MYPN: variants seen among roughly 807,000 people sequenced by gnomAD.
MYPN encodes the protein sarcomeric protein myopalladin, 145 kDa (MYOP).
In MYPN, 63 loss-of-function variants were observed where a neutral mutation model predicts 129.4. That is an observed-to-expected ratio of 0.49 (90% CI 0.40 to 0.60). MYPN has a LOEUF of 0.60. Among genes scored for constraint, MYPN ranks in the 20% least tolerant of loss-of-function variants. MYPN has a pLI of 0.00. For synonymous variants in MYPN, 629 were observed against 600.9 expected, an observed-to-expected ratio of 1.05 and a Z score of -0.68; for missense variants, 1,596 against 1,635.4, an observed-to-expected ratio of 0.98 and a Z score of 0.42.
rs1466000539 is a variant in MYPN at position 68,160,370 on chromosome 10, C to T, written c.1460-1359C>T. ...CACTTGAACCCAGGAGGCTGAGTTG[C>T]AGTGAGCTGAGATCACGCCACTGCA... On this transcript the variant is annotated intron_variant, in intron 7 of 19. Transcript: ENST00000358913. 2.9e-5 allele frequency among the ~76,000 whole-genome samples: 4 copies of T among 135,612 alleles called. No individual in the cohort carries two copies. In the East Asian group the frequency reaches 8.8e-4, roughly 30 times the overall value. The allele number at this position is 135,612 out of a possible 152,430, so 89.0% of individuals were successfully genotyped here. A position where few individuals can be genotyped will look rare whatever the true frequency, so the allele number is the denominator to read the frequency against.
At chr10:68,158,720 A>T (rs1564669810) in intron 7 of MYPN, 93 bp downstream of exon 7, 3 of 926,088 alleles carry the variant, frequency 3.2e-6, no homozygotes. Flanking sequence ...ACTAATTAAA[A>T]ATATAGTCAA....
At chr10:68,105,038 C>G (rs555136935), upstream of MYPN, among the ~76,000 whole-genome samples, 1 of 152,296 alleles carries the variant, frequency 6.6e-6, no homozygotes, top group Non-Finnish European at 1.5e-5. Flanking sequence ...CCCGCCTCAG[C>G]CTGCAAAGTG....
intron 6 of MYPN, among the ~76,000 whole-genome samples, chr10:68,152,521 G>C (rs10997950): frequency 6.6e-6 from 1 of 151,822 alleles, no homozygotes; most frequent in South Asian, 2.1e-4. Flanking sequence ...AATCTCTCCC[G>C]TTCACCTTGA....
At chr10:68,207,151 G>A (rs547649420) in intron 19 of MYPN, among the ~76,000 whole-genome samples, 11 of 152,058 alleles carry the variant, frequency 7.2e-5, no homozygotes, top group Admixed American at 3.9e-4. Flanking sequence ...CCAGCTACTC[G>A]GGCAGCTGAG....
intron 10 of MYPN, among the ~76,000 whole-genome samples, chr10:68,169,955 G>C (rs1051701864): frequency 1.1e-4 from 17 of 152,100 alleles, no homozygotes; most frequent in Non-Finnish European, 4.4e-5. Context: ...GGCAAGGCTG[G>C]TCTCAAATGC....
intron 18 of MYPN, among the ~76,000 whole-genome samples, chr10:68,204,674 C>A (rs986886383): frequency 1.4e-5 from 2 of 145,230 alleles, no homozygotes; most frequent in African/African-American, 5.1e-5. Context: ...GCTGAGATCA[C>A]ACCACTGCAC....
Position 68,174,476 on chromosome 10 carries a change from C to A in MYPN, c.2384C>A (p.Pro795Gln), listed in dbSNP as rs747076390. The change falls in exon 11 of 20, where the codon CCA (proline) becomes CAA (glutamine). Residue 795 changes from proline to glutamine, a missense_variant. Physicochemically the swap from Pro to Gln is moderately conservative, Grantham distance 76. Coordinates refer to ENST00000358913, the MANE Select transcript of MYPN (RefSeq NM_032578.4). The part of the protein sequence containing the change: ...LPPGPTEPTP[P>Q]PFTFSIPSGN... ...CCAGGCCCAACAGAACCAACACCACCACCATTCACATTTTCCATCCCCAGC... is the reference window on the plus strand; with the variant it reads ...CCAGGCCCAACAGAACCAACACCACAACCATTCACATTTTCCATCCCCAGC... 6.2e-7 allele frequency: 1 copy of A among 1,613,966 alleles called. No individual in the cohort carries two copies. Among genetic ancestry groups the A allele is most frequent in the South Asian group, 1.1e-5 (1 of 91,072 alleles).
intron 1 of MYPN, among the ~76,000 whole-genome samples, chr10:68,095,816 A>G (rs1300406672): frequency 6.6e-6 from 1 of 152,158 alleles, no homozygotes; most frequent in Non-Finnish European, 1.5e-5. Flanking sequence ...TTGCGAGATG[A>G]AAAAGATTCT....
chr10:68,168,518 C>T (rs1418588409), intron 10 of MYPN, among the ~76,000 whole-genome samples: 1 of 152,078 alleles, frequency 6.6e-6, no homozygotes, highest in Non-Finnish European at 1.5e-5. Flanking sequence ...GAAAGTGCAC[C>T]CAAGGCAGTC....
At chr10:68,133,995 G>T (rs1451639396) in intron 2 of MYPN, among the ~76,000 whole-genome samples, 1 of 151,934 alleles carries the variant, frequency 6.6e-6, no homozygotes, top group African/African-American at 2.4e-5. Context: ...ACCATGAGAG[G>T]CTCTAAATTG....
chr10:68,119,439 T>A (rs1221898452), intron 1 of MYPN, among the ~76,000 whole-genome samples: 1 of 149,816 alleles, frequency 6.7e-6, no homozygotes, highest in Non-Finnish European at 1.5e-5. Flanking sequence ...AGACAGAGTT[T>A]TGCTCTTGTT....
intron 10 of MYPN, among the ~76,000 whole-genome samples, chr10:68,172,935 T>TGGTGGCAGACACCTGTGGTCCCA (rs1182305515): frequency 6.6e-6 from 1 of 152,108 alleles, no homozygotes; most frequent in African/African-American, 2.4e-5. Context: ...TAGCCGGGCA[T>TGGTGGCAGACACCTGTGGTCCCA]GGTGGCAGAC....
intron 19 of MYPN, among the ~76,000 whole-genome samples, chr10:68,207,880 C>G (rs2043843284): frequency 7.1e-6 from 1 of 140,994 alleles, no homozygotes; most frequent in East Asian, 2.5e-4. Context: ...TGTGAGTTTC[C>G]ACTCAACCTT....
In MYPN at chr10:68,122,146, T is replaced by C. The variant is rs1023787850; in HGVS notation, c.708T>C (p.Arg236=). 2 of 1,613,262 alleles carry C rather than the reference T, an allele frequency of 1.2e-6. No individual in the cohort carries two copies. The highest frequency in any genetic ancestry group is 1.7e-6 in the Non-Finnish European group (2 of 1,179,432). Residue 236 remains arginine, a synonymous_variant, in exon 2 of 20, where the codon CGT becomes CGC. Coordinates refer to ENST00000358913, the MANE Select transcript of MYPN (RefSeq NM_032578.4). ...HALEQQEAKR[R]EAEQAASEAA... ...TGGAACAGCAGGAAGCCAAGAGGCG[T>C]GAAGCGGAGCAGGCTGCCAGTGAGG...
At chr10:68,106,243 A>G (rs1326759541), upstream of MYPN, 2 of 436,252 alleles carry the variant, frequency 4.6e-6, no homozygotes, top group Non-Finnish European at 9.1e-6. Context: ...TTTAGTTTTT[A>G]AAAATGTTTT....
intron 12 of MYPN, among the ~76,000 whole-genome samples, chr10:68,182,109 G>T (rs12248344): frequency 0.013 from 1,963 of 151,250 alleles, 49 homozygotes; most frequent in African/African-American, 0.046. Context: ...TGTCTCAAAA[G>T]TCACTTGTTT....
intron 2 of MYPN, among the ~76,000 whole-genome samples, chr10:68,138,268 A>C (rs937006746): frequency 6.6e-6 from 1 of 151,510 alleles, no homozygotes; most frequent in Non-Finnish European, 1.5e-5. Flanking sequence ...ATGCCCACTA[A>C]TTTTTGTATT....
upstream of MYPN, among the ~76,000 whole-genome samples, chr10:68,103,111 T>A (rs1326118371): frequency 1.3e-5 from 2 of 152,238 alleles, no homozygotes; most frequent in African/African-American, 2.4e-5. Flanking sequence ...TTTGCAGGTC[T>A]TCCTACTGCC....
In MYPN at chr10:68,141,862, A is replaced by G. The variant is rs2042584120; in HGVS notation, c.903-1078A>G. Among the ~76,000 whole-genome samples the G allele has an allele frequency of 7.9e-5, 12 of 152,188 alleles. No homozygotes were observed. In the South Asian group the frequency reaches 2.5e-3, roughly 32 times the overall value. ...ATGCACTATTTTGCACCTTACTGTTAAAATTCAATTATATATCTTGGGATT... is the reference window on the plus strand; with the variant it reads ...ATGCACTATTTTGCACCTTACTGTTGAAATTCAATTATATATCTTGGGATT... On this transcript the variant is annotated intron_variant, in intron 2 of 19. Transcript: ENST00000358913.
Sources: allele counts gnomAD v4.1 joint callset (sites outside exome capture counted in the v4.1 genomes callset), GRCh38; gene constraint gnomAD v4.1.1; transcripts MANE v1.5; gene names NCBI Gene and HGNC (gene_info 2026-07-23, HGNC 2026-07-21).